Variants in PTPRT observed in about 807,000 individuals in gnomAD.
PTPRT encodes the protein receptor-type tyrosine-protein phosphatase T.
Under a neutral mutation model 176.8 loss-of-function variants are expected in PTPRT, and 56 were observed. The observed-to-expected ratio is 0.32, with a 90% CI of 0.26 to 0.40. The LOEUF is 0.40. Among genes scored for constraint, PTPRT ranks in the 10% least tolerant of loss-of-function variants. PTPRT has a pLI of 1.00. For synonymous variants in PTPRT, 783 were observed against 739.0 expected (o/e 1.06, Z -0.96); for missense variants, 1,540 against 1,908.2 (o/e 0.81, Z 3.60).
intron 7 of PTPRT, among the ~76,000 whole-genome samples, chr20:42,596,258 C>G (rs1023143934): frequency 6.6e-6 from 1 of 152,192 alleles, no homozygotes; most frequent in Non-Finnish European, 1.5e-5. Flanking sequence ...CCATGTCCCA[C>G]CTGGTAAAAA....
chr20:43,007,198 T>G (rs375193835), intron 1 of PTPRT, among the ~76,000 whole-genome samples: 127 of 152,366 alleles, frequency 8.3e-4, no homozygotes, highest in Admixed American at 9.2e-4. Context: ...AAGTGAAAGC[T>G]GTCTCCTAAC....
At chr20:42,971,521 C>G (rs1190592246) in intron 1 of PTPRT, 1 of 152,188 alleles carries the variant, frequency 6.6e-6, no homozygotes, top group Non-Finnish European at 1.5e-5. Context: ...GTCTGTCCCC[C>G]ACCCATTTCT....
At chr20:42,563,098 C>A (rs1181945149) in intron 7 of PTPRT, among the ~76,000 whole-genome samples, 1 of 151,968 alleles carries the variant, frequency 6.6e-6, no homozygotes, top group Non-Finnish European at 1.5e-5. Flanking sequence ...ATAAAGAAGA[C>A]AAATCTGTTA....
At chr20:42,841,610 T>TAC (rs3973897) in intron 2 of PTPRT, among the ~76,000 whole-genome samples, 6,480 of 140,866 alleles carry the variant, frequency 0.046, 240 homozygotes, top group African/African-American at 0.11. Flanking sequence ...TAGTGTTAAA[T>TAC]ACACACACAC....
intron 1 of PTPRT, among the ~76,000 whole-genome samples, chr20:42,927,961 C>T (rs924661483): frequency 6.6e-6 from 1 of 152,216 alleles, no homozygotes; most frequent in Non-Finnish European, 1.5e-5. Context: ...GGGATCTATA[C>T]CCATGCAGCC....
intron 7 of PTPRT, among the ~76,000 whole-genome samples, chr20:42,517,680 T>A (rs551570433): frequency 6.6e-6 from 1 of 152,054 alleles, no homozygotes; most frequent in African/African-American, 2.4e-5. Context: ...TTTTGACATA[T>A]AATAGTTTCA....
chr20:42,344,551 A>G (rs1455777359), intron 11 of PTPRT, among the ~76,000 whole-genome samples: 1 of 152,186 alleles, frequency 6.6e-6, no homozygotes, highest in Non-Finnish European at 1.5e-5. Context: ...GATGACCATG[A>G]CAGAGTGGCA....
At chr20:42,250,581 T>G (rs1335903167) in intron 13 of PTPRT, among the ~76,000 whole-genome samples, 1 of 152,196 alleles carries the variant, frequency 6.6e-6, no homozygotes, top group Non-Finnish European at 1.5e-5. Context: ...TTGGGTTTAC[T>G]TGGCCAAGTC....
chr20:43,163,498 C>T (rs1236040647), intron 1 of PTPRT, among the ~76,000 whole-genome samples: 2 of 152,036 alleles, frequency 1.3e-5, no homozygotes, highest in South Asian at 2.1e-4. Flanking sequence ...ATTAGCCAGG[C>T]GTGGTGGTGG....
At chr20:42,770,452 T>G (rs930801568) in intron 5 of PTPRT, among the ~76,000 whole-genome samples, 3 of 152,194 alleles carry the variant, frequency 2.0e-5, no homozygotes, top group African/African-American at 7.2e-5. Context: ...AAGTTACGTT[T>G]TAGTTCTATG....
At chr20:42,216,949 T>C (rs2055785094) in intron 15 of PTPRT, among the ~76,000 whole-genome samples, 2 of 152,186 alleles carry the variant, frequency 1.3e-5, no homozygotes, top group South Asian at 4.1e-4. Flanking sequence ...GCAAAAACTT[T>C]TCATTTCCGA....
At chr20:42,316,601 T>C (rs550954631) in intron 11 of PTPRT, among the ~76,000 whole-genome samples, 1 of 152,208 alleles carries the variant, frequency 6.6e-6, no homozygotes, top group Non-Finnish European at 1.5e-5. Context: ...GTCCAAATTA[T>C]ACAATCTGAA....
At chr20:42,461,365 A>T (rs1013717969) in intron 8 of PTPRT, among the ~76,000 whole-genome samples, 2 of 152,112 alleles carry the variant, frequency 1.3e-5, no homozygotes, top group Admixed American at 1.3e-4. Context: ...TAAATAAAAC[A>T]AATAAATTAG....
intron 7 of PTPRT, among the ~76,000 whole-genome samples, chr20:42,645,880 G>A (rs1381990130): frequency 1.3e-5 from 2 of 151,720 alleles, no homozygotes; most frequent in African/African-American, 4.9e-5. Flanking sequence ...CTGAAGTGAT[G>A]AAACTCAGTG....
chr20:43,072,707 T>C (rs966232907), intron 1 of PTPRT, among the ~76,000 whole-genome samples: 1 of 152,258 alleles, frequency 6.6e-6, no homozygotes, highest in Non-Finnish European at 1.5e-5. Context: ...CCAAAGCTTC[T>C]ATCTTTAGAA....
chr20:42,313,469 C>T (rs2057667790), intron 12 of PTPRT, among the ~76,000 whole-genome samples: 1 of 152,130 alleles, frequency 6.6e-6, no homozygotes, highest in Admixed American at 6.5e-5. Flanking sequence ...GGGCCAACCA[C>T]TCTTATGGTG....
chr20:42,576,242 C>T (rs1352620894), intron 7 of PTPRT, among the ~76,000 whole-genome samples: 1 of 152,160 alleles, frequency 6.6e-6, no homozygotes, highest in Non-Finnish European at 1.5e-5. Flanking sequence ...TGACTCATCT[C>T]AGTTTAGGCA....
At chr20:42,792,287 GT>G (rs1486283283) in intron 2 of PTPRT, among the ~76,000 whole-genome samples, 2 of 152,186 alleles carry the variant, frequency 1.3e-5, no homozygotes, top group African/African-American at 4.8e-5. Context: ...GCTTATTGTT[GT>G]TTGCCAGTGA....
At chr20:42,373,129 A>T (rs1168850687) in intron 9 of PTPRT, among the ~76,000 whole-genome samples, 1 of 152,208 alleles carries the variant, frequency 6.6e-6, no homozygotes, top group African/African-American at 2.4e-5. Flanking sequence ...TCTGCAGTAT[A>T]CATTGCGTTA....
Sources: allele counts gnomAD v4.1 joint callset (sites outside exome capture counted in the v4.1 genomes callset), GRCh38; gene constraint gnomAD v4.1.1; transcripts MANE v1.5; gene names NCBI Gene and HGNC (gene_info 2026-07-23, HGNC 2026-07-21).